NFATC2: variants seen among roughly 807,000 people sequenced by gnomAD.
The protein encoded by NFATC2 is nuclear factor of activated T-cells, cytoplasmic 2.
In NFATC2, 22 loss-of-function variants were observed where a neutral mutation model predicts 87.3. That is an observed-to-expected ratio of 0.25 (90% CI 0.18 to 0.36). The LOEUF (loss-of-function observed/expected upper bound fraction) is 0.36. Among genes scored for constraint, NFATC2 ranks in the 10% least tolerant of loss-of-function variants. NFATC2 has a pLI of 1.00. For synonymous variants in NFATC2, 565 were observed against 542.2 expected, an observed-to-expected ratio of 1.04 and a Z score of -0.58; for missense variants, 1,149 against 1,259.1, an observed-to-expected ratio of 0.91 and a Z score of 1.32.
chr20:51,393,406 T>C (rs1046347468), intron 10 of NFATC2, among the ~76,000 whole-genome samples: 1 of 151,952 alleles, frequency 6.6e-6, no homozygotes, highest in African/African-American at 2.4e-5. Flanking sequence ...TGTAGACCAG[T>C]ATATATGTAT....
At position 51,548,075 on chromosome 20, in the gene NFATC2, A is replaced by G. The variant is rs142040127; in HGVS notation, c.70+14485T>C. Among the ~76,000 whole-genome samples, 423 of 152,220 alleles carry G rather than the reference A, an allele frequency of 2.8e-3. 1 individual carries two copies. The highest frequency in any genetic ancestry group is 0.014 in the Middle Eastern group (4 of 294). Reference sequence around the variant, plus strand: ...GCCCTTGGTCTGCAAGGCCCTACGTAAGCTACGTCCCACCTGACTCTCCTT... The same window carrying G: ...GCCCTTGGTCTGCAAGGCCCTACGTGAGCTACGTCCCACCTGACTCTCCTT... On this transcript the variant is annotated intron_variant, in intron 1 of 10. Transcript: ENST00000414705.
chr20:51,443,926 A>C (rs1386438092), intron 6 of NFATC2, among the ~76,000 whole-genome samples: 1 of 152,088 alleles, frequency 6.6e-6, no homozygotes, highest in Non-Finnish European at 1.5e-5. Flanking sequence ...CAAGTTAAAA[A>C]AAAAAACAAA....
chr20:51,562,662 A>T, upstream of NFATC2: 1 of 1,543,898 alleles, frequency 6.5e-7, no homozygotes, highest in Non-Finnish European at 8.8e-7. This position sits in a 1 kb window ranked among gnomAD's most constrained non-coding sequence, Gnocchi z 5.8. Context: ...GCGTGTTTGG[A>T]AAGGGGGATC....
At chr20:51,549,427 C>T (rs932791462) in intron 1 of NFATC2, among the ~76,000 whole-genome samples, 2 of 152,200 alleles carry the variant, frequency 1.3e-5, no homozygotes, top group Admixed American at 6.5e-5. Context: ...CATGTGCCAC[C>T]ACACCCAGCT....
At chr20:51,423,840 G>T (rs1044450428) in intron 9 of NFATC2, among the ~76,000 whole-genome samples, 2 of 152,176 alleles carry the variant, frequency 1.3e-5, no homozygotes, top group African/African-American at 2.4e-5. Flanking sequence ...CTTTCTTGTG[G>T]TTTGGTGGCT....
intron 9 of NFATC2, among the ~76,000 whole-genome samples, chr20:51,406,236 A>G (rs1441488239): frequency 6.6e-6 from 1 of 152,210 alleles, no homozygotes; most frequent in Non-Finnish European, 1.5e-5. Flanking sequence ...TTGTAGATAG[A>G]AATTCGTTTT....
chr20:51,434,521 A>T (rs6123031), intron 8 of NFATC2, among the ~76,000 whole-genome samples: 1 of 152,182 alleles, frequency 6.6e-6, no homozygotes, highest in South Asian at 2.1e-4. Flanking sequence ...ATCGTAATCC[A>T]ACATATCAAT....
chr20:51,549,704 C>T (rs2076917434), intron 1 of NFATC2, among the ~76,000 whole-genome samples: 1 of 152,304 alleles, frequency 6.6e-6, no homozygotes, highest in East Asian at 1.9e-4. Flanking sequence ...TTAGATAATA[C>T]CTGAGTTACC....
chr20:51,487,433 C>A (rs1989807930), intron 3 of NFATC2, among the ~76,000 whole-genome samples: 1 of 152,210 alleles, frequency 6.6e-6, no homozygotes, highest in South Asian at 2.1e-4. Flanking sequence ...ACCACCATGG[C>A]ACATGTTTAC....
intron 5 of NFATC2, among the ~76,000 whole-genome samples, chr20:51,471,670 C>T (rs1988210366): frequency 1.3e-5 from 2 of 152,216 alleles, no homozygotes; most frequent in Non-Finnish European, 1.5e-5. Flanking sequence ...ATCCTCTCTC[C>T]TTCCTGACTT....
At chr20:51,427,445 G>A (rs1039976157) in intron 9 of NFATC2, among the ~76,000 whole-genome samples, 12 of 152,124 alleles carry the variant, frequency 7.9e-5, no homozygotes, top group African/African-American at 1.4e-4. Flanking sequence ...TTAAGTAACC[G>A]CGCTCATGAC....
At chr20:51,549,408 G>T (rs1466096367) in intron 1 of NFATC2, among the ~76,000 whole-genome samples, 1 of 152,208 alleles carries the variant, frequency 6.6e-6, no homozygotes, top group East Asian at 1.9e-4. Flanking sequence ...GAATAGCTGG[G>T]ATTATAGGCA....
At chr20:51,442,165 C>A (rs1355055551) in intron 6 of NFATC2, among the ~76,000 whole-genome samples, 2 of 152,146 alleles carry the variant, frequency 1.3e-5, no homozygotes, top group Non-Finnish European at 2.9e-5. Flanking sequence ...GGCACGGTGG[C>A]TCACGCCTGT....
rs61735418 is a variant in NFATC2, at chr20:51,523,337, C to T, written c.904G>A (p.Val302Met). Residue 302 changes from valine to methionine, a missense_variant, in exon 2 of 11, where the codon GTG (valine) becomes ATG (methionine). Around this residue, in one of 3 missense-constraint regions of NFATC2, gnomAD observed 563 missense variants for 585.2 expected, o/e 0.96. Coordinates refer to ENST00000371564, the MANE Select transcript of NFATC2 (RefSeq NM_012340.5). This position sits in a 1 kb window ranked among gnomAD's most constrained non-coding sequence, Gnocchi z 6.9. Reference sequence around the variant, plus strand: ...AGGCTGTTCAGGGCATCCATGATCACGGCAGAGCCAGCCACAGGGGGGTAC... The same window carrying T: ...AGGCTGTTCAGGGCATCCATGATCATGGCAGAGCCAGCCACAGGGGGGTAC... ...AGYPPVAGSA[V>M]IMDALNSLAT... The T allele has an allele frequency of 1.9e-6, 3 of 1,612,314 alleles. No homozygotes were observed. Among genetic ancestry groups the T allele is most frequent in the African/African-American group, 1.3e-5 (1 of 75,000 alleles).
intron 6 of NFATC2, among the ~76,000 whole-genome samples, chr20:51,439,834 G>A (rs905025501): frequency 6.6e-6 from 1 of 152,168 alleles, no homozygotes; most frequent in African/African-American, 2.4e-5. Flanking sequence ...GATATGGCAC[G>A]ATCTCTCTCC....
intron 1 of NFATC2, among the ~76,000 whole-genome samples, chr20:51,555,368 T>C (rs1265522119): frequency 6.6e-6 from 1 of 151,990 alleles, no homozygotes; most frequent in Non-Finnish European, 1.5e-5. Context: ...CCGAGTCAGG[T>C]GGATCATGAG....
chr20:51,444,053 C>G (rs1322985155), intron 6 of NFATC2, among the ~76,000 whole-genome samples: 2 of 152,196 alleles, frequency 1.3e-5, no homozygotes, highest in Admixed American at 1.3e-4. Flanking sequence ...GCGATCTCAG[C>G]TCACTGCAAC....
rs11318467 is a variant in NFATC2 at position 51,420,013 on chromosome 20, CAA to C, written c.2722+12052_2722+12053del. On this transcript the variant is annotated intron_variant, in intron 9 of 10. Transcript: ENST00000371564. ...TAAATTCATGAGTTCATAATGGTAC[CAA>C]AAAAAAAAAAAGCAACTACACACAA... is the stretch of plus-strand genomic sequence containing the variant. Among the ~76,000 whole-genome samples the C allele has an allele frequency of 3.4e-3, 483 of 143,158 alleles. 2 individuals carry two copies. The highest frequency in any genetic ancestry group is 4.6e-3 in the Non-Finnish European group (303 of 65,828). 93.9% of individuals were successfully genotyped at this position (143,158 alleles called of 152,430 possible).
chr20:51,525,171 G>T (rs959067886), intron 1 of NFATC2, among the ~76,000 whole-genome samples: 3 of 152,192 alleles, frequency 2.0e-5, no homozygotes, highest in Non-Finnish European at 4.4e-5. Context: ...AATGAGCCAA[G>T]ACTGTGCCAC....
Sources: allele counts gnomAD v4.1 joint callset (sites outside exome capture counted in the v4.1 genomes callset), GRCh38; gene constraint gnomAD v4.1.1; regional missense constraint gnomAD v4.1.1; non-coding constraint Gnocchi (gnomAD v3.1); transcripts MANE v1.5; gene names NCBI Gene and HGNC (gene_info 2026-07-23, HGNC 2026-07-21).